ADRA1D: variants seen among roughly 807,000 people sequenced by gnomAD.
ADRA1D encodes the protein alpha-1D adrenergic receptor.
In ADRA1D, 22 loss-of-function variants were observed where a neutral mutation model predicts 18.6. That is an observed-to-expected ratio of 1.19 (90% CI 0.85 to 1.69). ADRA1D has a LOEUF of 1.69. ADRA1D is among the 40% of genes most tolerant of loss of function. The pLI is 0.00. For missense variants in ADRA1D, 840 were observed against 840.7 expected (o/e 1.00, Z 0.01); for synonymous variants, 376 against 388.2 (o/e 0.97, Z 0.37).
chr20:4,233,195 C>T (rs1440667865), intron 1 of ADRA1D, among the ~76,000 whole-genome samples: 1 of 151,978 alleles, frequency 6.6e-6, no homozygotes, highest in Non-Finnish European at 1.5e-5. Context: ...TGTGGTGGCT[C>T]ACGCATATAA....
intron 1 of ADRA1D, among the ~76,000 whole-genome samples, chr20:4,240,258 G>A (rs1008861049): frequency 3.3e-5 from 5 of 152,096 alleles, no homozygotes; most frequent in Non-Finnish European, 5.9e-5. Flanking sequence ...AACCTAATAG[G>A]CAAATCGACC....
Position 4,248,610 on chromosome 20 carries a change from A to T in ADRA1D, c.348T>A (p.Leu116=), listed in dbSNP as rs1381359153. ...FILMAVAGNL[L]VILSVACNRH... ...GGTTGCAGGCCACTGAGAGGATGAC[A>T]AGCAGGTTACCTGCCACGGCCATAA... The change falls in exon 1 of 2, where the codon CTT becomes CTA. Residue 116 remains leucine, a synonymous_variant. Transcript: ENST00000379453. 3.1e-6 allele frequency: 5 copies of T among 1,613,164 alleles called. No homozygotes were observed. Among genetic ancestry groups the T allele is most frequent in the Non-Finnish European group, 4.2e-6 (5 of 1,179,882 alleles).
In ADRA1D at chr20:4,221,540, G is replaced by C; in HGVS notation, c.1702C>G (p.Arg568Gly). The C allele has an allele frequency of 3.1e-6, 5 of 1,610,908 alleles. No individual in the cohort carries two copies. Among genetic ancestry groups the C allele is most frequent in the Non-Finnish European group, 4.2e-6 (5 of 1,177,704 alleles). ...AYELADYSNL[R>G]ETDI Reference sequence around the variant, plus strand: ...TGGGGTCCTTAAATATCGGTCTCCCGTAGGTTGCTGTAGTCGGCCAATTCG... The same window carrying C: ...TGGGGTCCTTAAATATCGGTCTCCCCTAGGTTGCTGTAGTCGGCCAATTCG... Residue 568 changes from arginine to glycine, a missense_variant, in exon 2 of 2, where the codon CGG (arginine) becomes GGG (glycine). Coordinates refer to ENST00000379453, the MANE Select transcript of ADRA1D (RefSeq NM_000678.4).
chr20:4,247,816 A>C, intron 1 of ADRA1D, 31 bp downstream of exon 1: 1 of 1,480,822 alleles, frequency 6.8e-7, no homozygotes, highest in Non-Finnish European at 9.0e-7. Flanking sequence ...CAGGGAGAAC[A>C]GGAGGGGCCG....
chr20:4,225,329 T>C (rs1360009377), intron 1 of ADRA1D, among the ~76,000 whole-genome samples: 1 of 151,352 alleles, frequency 6.6e-6, no homozygotes, highest in Non-Finnish European at 1.5e-5. Context: ...TTTAATATTA[T>C]TTTTCTAGAA....
chr20:4,231,941 A>G (rs947968817), intron 1 of ADRA1D, among the ~76,000 whole-genome samples: 3 of 151,898 alleles, frequency 2.0e-5, no homozygotes, highest in African/African-American at 4.8e-5. Context: ...GAGACAGAGT[A>G]TCGCTCTCTT....
chr20:4,233,690 C>A (rs1981023160), intron 1 of ADRA1D, among the ~76,000 whole-genome samples: 1 of 152,078 alleles, frequency 6.6e-6, no homozygotes, highest in Non-Finnish European at 1.5e-5. Context: ...AGGGATTAGC[C>A]CTTAGTGGCC....
intron 1 of ADRA1D, among the ~76,000 whole-genome samples, chr20:4,238,201 G>A (rs534149508): frequency 6.6e-6 from 1 of 151,720 alleles, no homozygotes; most frequent in East Asian, 2.0e-4. Flanking sequence ...TGCAGTGAGC[G>A]GAGATCATGC....
intron 1 of ADRA1D, among the ~76,000 whole-genome samples, chr20:4,230,714 C>T (rs1317855147): frequency 5.3e-5 from 8 of 152,244 alleles, no homozygotes; most frequent in African/African-American, 1.9e-4. Context: ...GGAAACACAA[C>T]GTTTCTAGGG....
intron 1 of ADRA1D, among the ~76,000 whole-genome samples, chr20:4,228,143 A>T (rs1980866031): frequency 6.6e-6 from 1 of 150,852 alleles, no homozygotes; most frequent in African/African-American, 2.4e-5. Flanking sequence ...CTTAGCTGAG[A>T]CTCCTACTCA....
chr20:4,249,012 G>T lies in ADRA1D; in HGVS notation c.-55C>A. 1 of 1,221,594 alleles carries T rather than the reference G, an allele frequency of 8.2e-7. No homozygotes were observed. The allele number at this position is 1,221,594 out of a possible 1,614,324, so 75.7% of individuals were successfully genotyped here. A position where few individuals can be genotyped will look rare whatever the true frequency, so the allele number is the denominator to read the frequency against. On this transcript the variant is annotated 5_prime_UTR_variant, in exon 1 of 2. Coordinates refer to ENST00000379453, the MANE Select transcript of ADRA1D (RefSeq NM_000678.4). ...GGGGCACAGAACGAGCGGCCGGCAGGGAGGGGAGCACAGGGCATAGCCGCG... is the reference window on the plus strand; with the variant it reads ...GGGGCACAGAACGAGCGGCCGGCAGTGAGGGGAGCACAGGGCATAGCCGCG...
rs1350884856 is a variant in ADRA1D, at chr20:4,221,338, T to C, written c.*185A>G. ...ACCTGAGTCCAGCAGGGGGCCCCAC[T>C]ACTTTTCACCTTTCAAGGGCTCCAG... On this transcript the variant is annotated 3_prime_UTR_variant, in exon 2 of 2. Transcript: ENST00000379453. The C allele has an allele frequency of 4.7e-6, 3 of 635,698 alleles. No homozygotes were observed. In the African/African-American group the frequency reaches 5.7e-5, roughly 12 times the overall value. The allele number at this position is 635,698 out of a possible 1,614,324, so 39.4% of individuals were successfully genotyped here.
chr20:4,231,074 CTCTCTCTCT>C (rs759694390), intron 1 of ADRA1D, among the ~76,000 whole-genome samples: 67 of 90,910 alleles, frequency 7.4e-4, no homozygotes, highest in African/African-American at 2.7e-3. Flanking sequence ...TTCTCTCTCT[CTCTCTCTCT>C]TTTCTTTTCT....
intron 1 of ADRA1D, among the ~76,000 whole-genome samples, chr20:4,230,799 G>GGCT (rs1421315015): frequency 2.3e-4 from 35 of 152,126 alleles, no homozygotes; most frequent in Non-Finnish European, 4.0e-4. Flanking sequence ...CACATAGCTG[G>GGCT]GCTTCTTCTG....
chr20:4,246,823 TA>T (rs1981346104), intron 1 of ADRA1D, among the ~76,000 whole-genome samples: 1 of 152,156 alleles, frequency 6.6e-6, no homozygotes, highest in African/African-American at 2.4e-5. Context: ...TTATAATATA[TA>T]AAGTTCACTG....
Position 4,222,235 on chromosome 20 carries a change from G to C in ADRA1D, c.1112-105C>G. On this transcript the variant is annotated intron_variant, in intron 1 of 1. Transcript: ENST00000379453. The surrounding 1 kb of genome is among the most constrained non-coding windows in gnomAD (Gnocchi z 4.3). Reference sequence around the variant, plus strand: ...CTTCAGTAGCCTTGGCTGAGTCATTGACTAGGAGTTCTCAAGGGATCCGTG... The same window carrying C: ...CTTCAGTAGCCTTGGCTGAGTCATTCACTAGGAGTTCTCAAGGGATCCGTG... 6.8e-7 allele frequency: 1 copy of C among 1,462,014 alleles called. No individual in the cohort carries two copies. Among genetic ancestry groups the C allele is most frequent in the Non-Finnish European group, 9.1e-7 (1 of 1,103,370 alleles). 90.6% of individuals were successfully genotyped at this position (1,462,014 alleles called of 1,614,324 possible).
intron 1 of ADRA1D, among the ~76,000 whole-genome samples, chr20:4,244,630 A>G (rs1192120378): frequency 6.6e-6 from 1 of 152,134 alleles, no homozygotes; most frequent in Non-Finnish European, 1.5e-5. Flanking sequence ...GTTGCTGCTC[A>G]GTGTTCCCTG....
At chr20:4,241,520 T>G (rs374497815) in intron 1 of ADRA1D, among the ~76,000 whole-genome samples, 5 of 152,204 alleles carry the variant, frequency 3.3e-5, no homozygotes, top group African/African-American at 1.2e-4. Context: ...AGGATGGGAA[T>G]AGAACATGGG....
chr20:4,235,698 T>C (rs1322903415), intron 1 of ADRA1D, among the ~76,000 whole-genome samples: 1 of 152,050 alleles, frequency 6.6e-6, no homozygotes, highest in Non-Finnish European at 1.5e-5. Context: ...TGTCCGGGAG[T>C]CCCAGCACTG....
Sources: gnomAD v4.1 joint callset for allele counts (sites outside exome capture counted in the v4.1 genomes callset) on GRCh38, gnomAD v4.1.1 for gene constraint, Gnocchi (gnomAD v3.1) non-coding constraint, MANE v1.5 for transcripts, NCBI Gene and HGNC (gene_info 2026-07-23, HGNC 2026-07-21) for gene names.